Variants in BNC2 observed in about 807,000 individuals in gnomAD.
BNC2 encodes the protein basonuclin zinc finger protein 2.
In BNC2, 20 loss-of-function variants were observed where a neutral mutation model predicts 76.3. The observed-to-expected ratio is 0.26, with a 90% confidence interval of 0.18 to 0.38. The LOEUF is 0.38. Ranked by LOEUF, BNC2 falls within the 10% of genes least tolerant of loss-of-function variation. The probability of loss-of-function intolerance (pLI) is 1.00; values close to 1 mark genes in which losing one functional copy is unlikely to be tolerated. For synonymous variants in BNC2, 582 were observed against 514.8 expected, an observed-to-expected ratio of 1.13 and a Z score of -1.77; for missense variants, 1,382 against 1,399.8, an observed-to-expected ratio of 0.99 and a Z score of 0.20.
chr9:16,798,632 A>AT (rs1261900609), intron 1 of BNC2, among the ~76,000 whole-genome samples: 1 of 152,208 alleles, frequency 6.6e-6, no homozygotes, highest in Non-Finnish European at 1.5e-5. Flanking sequence ...TCAAAACTAC[A>AT]TTAAGGACTT....
chr9:16,453,585 G>A (rs1350424831), intron 5 of BNC2, among the ~76,000 whole-genome samples: 1 of 151,396 alleles, frequency 6.6e-6, no homozygotes, highest in Non-Finnish European at 1.5e-5. Context: ...CTCACATTCT[G>A]ACGACATTCT....
intron 6 of BNC2, among the ~76,000 whole-genome samples, chr9:16,420,107 A>G (rs1294120179): frequency 2.6e-5 from 4 of 152,230 alleles, no homozygotes; most frequent in Non-Finnish European, 4.4e-5. Flanking sequence ...TTTTCTATAC[A>G]GCACACACTT....
intron 6 of BNC2, among the ~76,000 whole-genome samples, chr9:16,434,167 TTA>T (rs1305151494): frequency 6.6e-6 from 1 of 152,192 alleles, no homozygotes; most frequent in Non-Finnish European, 1.5e-5. Context: ...AGAAAGTTAC[TTA>T]TTTTTCTTAA....
intron 1 of BNC2, among the ~76,000 whole-genome samples, chr9:16,802,998 C>T (rs1465817249): frequency 6.6e-6 from 1 of 152,176 alleles, no homozygotes; most frequent in Non-Finnish European, 1.5e-5. Flanking sequence ...ATCACACAGA[C>T]ATTGACTTAA....
At chr9:16,633,317 A>G (rs565725200) in intron 3 of BNC2, among the ~76,000 whole-genome samples, 2 of 152,248 alleles carry the variant, frequency 1.3e-5, no homozygotes, top group South Asian at 4.1e-4. Flanking sequence ...GAACAAGGCC[A>G]TACATAAATG....
Position 16,445,765 on chromosome 9 carries a change from C to T in BNC2, c.670-8241G>A, listed in dbSNP as rs139730351. The stretch of plus-strand genomic sequence containing the variant: ...ACATTGACCTATGTGAACAAATATG[C>T]TTTCCTCATCCACCCCAAACTGCCT... On this transcript the variant is annotated intron_variant, in intron 5 of 6. Transcript: ENST00000380672. Among the ~76,000 whole-genome samples the T allele has an allele frequency of 7.9e-5, 12 of 152,300 alleles. No individual in the cohort carries two copies. In the East Asian group the frequency reaches 2.1e-3, roughly 27 times the overall value.
At chr9:16,604,884 C>A (rs1416873787) in intron 3 of BNC2, among the ~76,000 whole-genome samples, 1 of 152,128 alleles carries the variant, frequency 6.6e-6, no homozygotes, top group Non-Finnish European at 1.5e-5. Flanking sequence ...AGAAACCAGA[C>A]CTTGTAAAAC....
At chr9:16,823,586 G>C (rs1215533587) in intron 1 of BNC2, among the ~76,000 whole-genome samples, 1 of 150,944 alleles carries the variant, frequency 6.6e-6, no homozygotes, top group African/African-American at 2.4e-5. Flanking sequence ...CTGGGCAACA[G>C]AGTGAGATCC....
intron 5 of BNC2, among the ~76,000 whole-genome samples, chr9:16,532,785 G>A (rs1818022559): frequency 6.6e-6 from 1 of 152,092 alleles, no homozygotes; most frequent in Non-Finnish European, 1.5e-5. Flanking sequence ...ACTTACGTCT[G>A]GTATGGTGGA....
chr9:16,776,418 G>C (rs899619729), intron 1 of BNC2, among the ~76,000 whole-genome samples: 1 of 152,162 alleles, frequency 6.6e-6, no homozygotes, highest in East Asian at 1.9e-4. Context: ...AGGATTACAG[G>C]GGTGACCCAC....
chr9:16,552,036 T>C (rs1023610268), intron 5 of BNC2, among the ~76,000 whole-genome samples: 1 of 152,220 alleles, frequency 6.6e-6, no homozygotes, highest in African/African-American at 2.4e-5. Context: ...ATATGGATTA[T>C]AGTTCTACCT....
chr9:16,811,597 C>T (rs1209123407), intron 1 of BNC2, among the ~76,000 whole-genome samples: 1 of 141,820 alleles, frequency 7.1e-6, no homozygotes, highest in Non-Finnish European at 1.6e-5. Context: ...GAAAATCAAA[C>T]CCATGTGAAG....
chr9:16,533,363 G>C (rs1447448863), intron 5 of BNC2, among the ~76,000 whole-genome samples: 1 of 152,136 alleles, frequency 6.6e-6, no homozygotes, highest in African/African-American at 2.4e-5. Flanking sequence ...ATTAGTAAAT[G>C]AGATTCTAGC....
chr9:16,628,853 C>T (rs1821076599), intron 3 of BNC2, among the ~76,000 whole-genome samples: 1 of 152,100 alleles, frequency 6.6e-6, no homozygotes, highest in Non-Finnish European at 1.5e-5. Flanking sequence ...GAAAGAAAGT[C>T]CAACAGCATT....
chr9:16,457,922 C>T (rs898897397), intron 5 of BNC2, among the ~76,000 whole-genome samples: 2 of 152,158 alleles, frequency 1.3e-5, no homozygotes, highest in Non-Finnish European at 2.9e-5. Flanking sequence ...TGCATCCCCA[C>T]TGCCATCCAA....
chr9:16,634,660 C>G (rs1373272054), intron 3 of BNC2, among the ~76,000 whole-genome samples: 1 of 152,074 alleles, frequency 6.6e-6, no homozygotes, highest in Non-Finnish European at 1.5e-5. Flanking sequence ...TGCCACCACA[C>G]CTGGCTAATT....
chr9:16,736,234 A>G (rs1824664978), intron 2 of BNC2, among the ~76,000 whole-genome samples: 1 of 151,544 alleles, frequency 6.6e-6, no homozygotes, highest in Non-Finnish European at 1.5e-5. Context: ...AAAAGGAAAG[A>G]AAGAAAAAAG....
chr9:16,486,422 C>T (rs560890467), intron 5 of BNC2, among the ~76,000 whole-genome samples: 110 of 152,312 alleles, frequency 7.2e-4, no homozygotes, highest in African/African-American at 2.6e-3. Context: ...AGAATTAATA[C>T]TGAAGCACAC....
intron 3 of BNC2, among the ~76,000 whole-genome samples, chr9:16,631,142 C>G (rs1821149609): frequency 6.6e-6 from 1 of 152,056 alleles, no homozygotes; most frequent in South Asian, 2.1e-4. Context: ...AGACAAATAA[C>G]CAAACTTACT....
Sources: gnomAD v4.1 joint callset for allele counts (sites outside exome capture counted in the v4.1 genomes callset) on GRCh38, gnomAD v4.1.1 for gene constraint, MANE v1.5 for transcripts, NCBI Gene and HGNC (gene_info 2026-07-23, HGNC 2026-07-21) for gene names.